Variants in SLC28A1 observed in about 807,000 individuals in gnomAD.
SLC28A1 encodes sodium/nucleoside cotransporter 1.
A neutral mutation model predicts 74.8 loss-of-function variants in SLC28A1; 64 were observed. That is an observed-to-expected ratio of 0.86 (90% CI 0.70 to 1.05). The LOEUF is 1.05. Ranked by LOEUF, SLC28A1 falls within the 50% of genes least tolerant of loss-of-function variation. SLC28A1 has a pLI of 0.00. For synonymous variants in SLC28A1, 359 were observed against 335.0 expected (o/e 1.07, Z -0.78); for missense variants, 828 against 822.8 (o/e 1.01, Z -0.08).
downstream of SLC28A1, among the ~76,000 whole-genome samples, chr15:84,950,067 G>A (rs150144858): frequency 6.2e-3 from 947 of 152,296 alleles, 6 homozygotes; most frequent in African/African-American, 0.017. Context: ...CACTGGCAGG[G>A]ATGGGGAGGC....
chr15:84,891,317 G>C (rs902422906), intron 5 of SLC28A1, among the ~76,000 whole-genome samples: 9 of 152,188 alleles, frequency 5.9e-5, no homozygotes, highest in African/African-American at 2.2e-4. Context: ...CAATGACTGG[G>C]TGTGCAGCAT....
At chr15:84,885,891 AG>A (rs1299487507) in intron 1 of SLC28A1, among the ~76,000 whole-genome samples, 4 of 152,228 alleles carry the variant, frequency 2.6e-5, no homozygotes, top group African/African-American at 7.2e-5. Context: ...TTCAAATGAC[AG>A]ATGAAGAAAA....
intron 6 of SLC28A1, among the ~76,000 whole-genome samples, chr15:84,897,387 GA>G (rs34829705): frequency 2.4e-3 from 363 of 149,158 alleles, no homozygotes; most frequent in African/African-American, 7.8e-3. Context: ...CTCCGTCTCA[GA>G]AAAAAAAAAT....
At chr15:84,970,089 C>T in the SLC28A1 span, among the ~76,000 whole-genome samples, 1 of 152,204 alleles carries the variant, frequency 6.6e-6, no homozygotes, top group Non-Finnish European at 1.5e-5. Flanking sequence ...ATTTCAGCAG[C>T]TCTGTGATTA....
At chr15:84,914,329 TC>T (rs1968768408) in intron 9 of SLC28A1, among the ~76,000 whole-genome samples, 1 of 152,112 alleles carries the variant, frequency 6.6e-6, no homozygotes, top group Non-Finnish European at 1.5e-5. Flanking sequence ...CCTAATACCA[TC>T]ACCTAGGGAA....
chr15:84,970,239 G>T, the SLC28A1 span, among the ~76,000 whole-genome samples: 1 of 152,142 alleles, frequency 6.6e-6, no homozygotes, highest in Non-Finnish European at 1.5e-5. Flanking sequence ...AAATGGTTAG[G>T]TATCTTTCTC....
chr15:84,933,032 G>A, intron 12 of SLC28A1, 113 bp from the exon 13 acceptor site: 1 of 977,000 alleles, frequency 1.0e-6, no homozygotes, highest in African/African-American at 1.6e-5. Flanking sequence ...TGACAATGAG[G>A]ACATATCAGT....
downstream of SLC28A1, among the ~76,000 whole-genome samples, chr15:84,946,082 GTTCATATATA>G (rs200648007): frequency 0.013 from 312 of 23,394 alleles, 11 homozygotes; most frequent in African/African-American, 0.047. Flanking sequence ...GTGTGTGTAT[GTTCATATATA>G]TATATATATA....
intron 2 of SLC28A1, 62 bp from the exon 3 acceptor site, chr15:84,887,683 C>G: frequency 6.3e-7 from 1 of 1,591,394 alleles, no homozygotes; most frequent in Non-Finnish European, 8.6e-7. Context: ...TCCCCGGGCC[C>G]CTAAACTGGG....
chr15:84,943,365 G>T (rs1446505790), intron 15 of SLC28A1, 80 bp from the exon 16 acceptor site: 1 of 983,300 alleles, frequency 1.0e-6, no homozygotes, highest in Non-Finnish European at 1.6e-6. Flanking sequence ...TAAAATTAAG[G>T]CCAGGGAGCC....
chr15:84,944,911 A>C, intron 18 of SLC28A1, 44 bp downstream of exon 18: 1 of 1,391,782 alleles, frequency 7.2e-7, no homozygotes, highest in Non-Finnish European at 1.0e-6. Flanking sequence ...CCACAGTGAT[A>C]GACAGAATGC....
At chr15:84,966,708 G>T in the SLC28A1 span, among the ~76,000 whole-genome samples, 1 of 152,212 alleles carries the variant, frequency 6.6e-6, no homozygotes, top group Non-Finnish European at 1.5e-5. Context: ...GAGAGCTTGT[G>T]CAGGGAAACT....
At chr15:84,969,087 C>T in the SLC28A1 span, among the ~76,000 whole-genome samples, 1 of 152,156 alleles carries the variant, frequency 6.6e-6, no homozygotes, top group Admixed American at 6.5e-5. Flanking sequence ...AAGAAAAATG[C>T]TTGTATAGTA....
At chr15:84,965,821 A>G in the SLC28A1 span, among the ~76,000 whole-genome samples, 4 of 150,258 alleles carry the variant, frequency 2.7e-5, no homozygotes, top group Admixed American at 6.8e-5. Flanking sequence ...TAAGTGTGAT[A>G]GAGGCCATTG....
At position 84,889,867 on chromosome 15, in the gene SLC28A1, T is replaced by A. The variant is rs551298008; in HGVS notation, c.186-576T>A. 4.0e-5 allele frequency among the ~76,000 whole-genome samples: 6 copies of A among 151,490 alleles called. No homozygotes were observed. In the South Asian group the frequency reaches 1.3e-3, roughly 32 times the overall value. On this transcript the variant is annotated intron_variant, in intron 4 of 18. Coordinates refer to ENST00000394573, the MANE Select transcript of SLC28A1 (RefSeq NM_004213.5). ...TTCCTTCCTTCCTTTCTCTCTTTTT[T>A]TTTTTTTAGGCAGGTCTCACTCTGT...
At chr15:84,912,041 T>A (rs16974612) in intron 9 of SLC28A1, among the ~76,000 whole-genome samples, 1 of 152,040 alleles carries the variant, frequency 6.6e-6, no homozygotes, top group Non-Finnish European at 1.5e-5. Flanking sequence ...GGCCCTGTCC[T>A]CTGGACAAAT....
rs757796316 is a variant in SLC28A1, at chr15:84,934,990, C to T, written c.1215-36C>T. ...TAGGGACCCTTGCTGGTTGTGGAGA[C>T]AGGCCAGTAATGATCATTCTTGATC... On this transcript the variant is annotated intron_variant, in intron 13 of 18. Transcript: ENST00000394573. 7 of 1,595,470 alleles carry T rather than the reference C, an allele frequency of 4.4e-6. No individual in the cohort carries two copies. In the Admixed American group the frequency reaches 5.0e-5, roughly 11 times the overall value.
At chr15:84,907,793 T>C (rs1331386804) in intron 8 of SLC28A1, among the ~76,000 whole-genome samples, 1 of 152,202 alleles carries the variant, frequency 6.6e-6, no homozygotes, top group Non-Finnish European at 1.5e-5. Context: ...GGGTGGAGCA[T>C]GAGAACCCTG....
At chr15:84,961,624 A>G in the SLC28A1 span, 1 of 391,646 alleles carries the variant, frequency 2.6e-6, no homozygotes, top group Non-Finnish European at 5.0e-6. Flanking sequence ...TACAGGTATG[A>G]GCCACTTTGC....
Sources: gnomAD v4.1 joint callset for allele counts (sites outside exome capture counted in the v4.1 genomes callset) on GRCh38, gnomAD v4.1.1 for gene constraint, MANE v1.5 for transcripts, NCBI Gene and HGNC (gene_info 2026-07-23, HGNC 2026-07-21) for gene names.